The following TLE4 variants were observed in gnomAD, a reference collection of about 807,000 sequenced individuals.
The protein encoded by TLE4 is TLE family member 4, transcriptional corepressor.
TLE4 carries 8 observed loss-of-function variants against 92.8 expected under a neutral mutation model. That is an observed-to-expected ratio of 0.09 (90% confidence interval 0.05 to 0.16). The LOEUF (loss-of-function observed/expected upper bound fraction) is 0.16, where lower values mean the gene tolerates loss of function less well. Ranked by LOEUF, TLE4 falls within the 10% of genes least tolerant of loss-of-function variation. The probability of loss-of-function intolerance (pLI) is 1.00; values close to 1 mark genes in which losing one functional copy is unlikely to be tolerated. For synonymous variants in TLE4, 371 were observed against 374.1 expected (o/e 0.99, Z 0.10); for missense variants, 675 against 997.6 (o/e 0.68, Z 4.36).
chr9:79,649,271 TACACACACACACAC>T (rs61394180), intron 6 of TLE4, among the ~76,000 whole-genome samples: 1 of 147,266 alleles, frequency 6.8e-6, no homozygotes, highest in African/African-American at 2.5e-5. Context: ...CATACATACA[TACACACACACACAC>T]ACACACACAC....
intron 6 of TLE4, among the ~76,000 whole-genome samples, chr9:79,640,566 C>G (rs1215398197): frequency 6.6e-6 from 1 of 151,988 alleles, no homozygotes. Context: ...TACCTAGTTA[C>G]TTATGTTCCA....
rs754468656 is a variant in TLE4, at chr9:79,708,176, C to G, written c.995C>G (p.Ala332Gly). 39 of 1,614,080 alleles carry G rather than the reference C, an allele frequency of 2.4e-5. No individual in the cohort carries two copies. Among genetic ancestry groups the G allele is most frequent in the Non-Finnish European group, 3.2e-5 (38 of 1,179,964 alleles). ...KSNTPTPRTDAPTPGSNSTPG... is the reference protein window; with the variant it reads ...KSNTPTPRTDGPTPGSNSTPG... ...AATACCCCTACTCCACGAACTGATG[C>G]GCCCACCCCAGGCAGTAACTCTACT... is the stretch of plus-strand genomic sequence containing the variant. Residue 332 changes from alanine to glycine, a missense_variant, in exon 12 of 20, where the codon GCG (alanine) becomes GGG (glycine). Physicochemically the swap from Ala to Gly is moderately conservative, Grantham distance 60. Around this residue, in one of 5 missense-constraint regions of TLE4, gnomAD observed 280 missense variants for 287.3 expected, o/e 0.97. Coordinates refer to ENST00000376552, the MANE Select transcript of TLE4 (RefSeq NM_007005.6).
chr9:79,603,072 A>G (rs1171216421), intron 4 of TLE4, among the ~76,000 whole-genome samples: 1 of 152,168 alleles, frequency 6.6e-6, no homozygotes, highest in Non-Finnish European at 1.5e-5. Context: ...ATGGATGAGG[A>G]GTTGCTGCTT....
intron 18 of TLE4, 53 bp from the exon 19 acceptor site, chr9:79,722,906 G>T (rs1394172686): frequency 6.5e-7 from 1 of 1,532,018 alleles, no homozygotes; most frequent in Non-Finnish European, 9.0e-7. Context: ...GCAAATCTTG[G>T]TGTCTGACAG....
chr9:79,651,243 A>G (rs541054924), intron 6 of TLE4, among the ~76,000 whole-genome samples: 1 of 152,316 alleles, frequency 6.6e-6, no homozygotes, highest in African/African-American at 2.4e-5. Context: ...GTTGTCATAC[A>G]ATATTGCTAA....
At chr9:79,695,427 A>G (rs191676604) in intron 8 of TLE4, among the ~76,000 whole-genome samples, 3 of 152,290 alleles carry the variant, frequency 2.0e-5, no homozygotes, top group African/African-American at 7.2e-5. Context: ...ATGCAAAGAA[A>G]TAAGACACAA....
At chr9:79,603,521 T>G (rs934597903) in intron 4 of TLE4, among the ~76,000 whole-genome samples, 4 of 152,116 alleles carry the variant, frequency 2.6e-5, no homozygotes, top group African/African-American at 4.8e-5. Context: ...GTGTGTGTGT[T>G]TTTTTTAAGA....
chr9:79,709,545 A>C, intron 13 of TLE4, 78 bp from the exon 14 acceptor site: 2 of 1,274,046 alleles, frequency 1.6e-6, no homozygotes, highest in East Asian at 4.7e-5. Context: ...CCCAGGTTTT[A>C]GAATAGATTT....
At chr9:79,662,564 A>G (rs552928099) in intron 8 of TLE4, among the ~76,000 whole-genome samples, 11 of 152,334 alleles carry the variant, frequency 7.2e-5, no homozygotes, top group Admixed American at 1.3e-4. Flanking sequence ...AAGGAGGAAA[A>G]TAAAAATGTC....
At position 79,572,769 on chromosome 9, in the gene TLE4, G is replaced by T. The variant is rs1291495542; in HGVS notation, c.-22G>T. The T allele has an allele frequency of 1.9e-6, 3 of 1,596,684 alleles. No homozygotes were observed. Among genetic ancestry groups the T allele is most frequent in the Non-Finnish European group, 2.6e-6 (3 of 1,172,480 alleles). On this transcript the variant is annotated 5_prime_UTR_variant, in exon 1 of 20. Coordinates refer to ENST00000376552, the MANE Select transcript of TLE4 (RefSeq NM_007005.6). ...AATGAGCCGCGCGCCTCTGCCGAGC[G>T]CAGCCAACTAAATCGGCTTGGATGA...
In TLE4 at chr9:79,599,721, T is replaced by C. The variant is rs141720178; in HGVS notation, c.253-12935T>C. Among the ~76,000 whole-genome samples the C allele has an allele frequency of 5.0e-3, 764 of 152,348 alleles. 9 individuals carry two copies. Among genetic ancestry groups the C allele is most frequent in the African/African-American group, 0.017 (722 of 41,580 alleles). ...CTGATAAGAGACACTTTTATGTATA[T>C]AATACTTGTTAATAACATCTGCAAC... On this transcript the variant is annotated intron_variant, in intron 4 of 19. Transcript: ENST00000376552.
intron 8 of TLE4, among the ~76,000 whole-genome samples, chr9:79,688,409 G>T (rs1485155049): frequency 6.6e-6 from 1 of 151,950 alleles, no homozygotes; most frequent in African/African-American, 2.4e-5. Context: ...GCTTTATGTG[G>T]CGTTCTTGGG....
chr9:79,577,911 A>G (rs2038407592), intron 4 of TLE4, among the ~76,000 whole-genome samples: 1 of 152,270 alleles, frequency 6.6e-6, no homozygotes, highest in African/African-American at 2.4e-5. Context: ...ATACTGCTAT[A>G]ATTCTGTCAT....
At chr9:79,589,333 C>T (rs1564180872) in intron 4 of TLE4, among the ~76,000 whole-genome samples, 1 of 152,054 alleles carries the variant, frequency 6.6e-6, no homozygotes, top group Non-Finnish European at 1.5e-5. Flanking sequence ...TCCTCCCTTT[C>T]CCATGATGAT....
intron 8 of TLE4, among the ~76,000 whole-genome samples, chr9:79,680,633 G>T (rs943601039): frequency 6.6e-6 from 1 of 152,280 alleles, no homozygotes; most frequent in East Asian, 1.9e-4. Flanking sequence ...TCTCCTGCCT[G>T]ATTGCCATGG....
rs565613873 is a variant in TLE4, at chr9:79,661,244, C to G, written c.609+7169C>G. Among the ~76,000 whole-genome samples the G allele has an allele frequency of 3.0e-4, 46 of 152,250 alleles. 1 individual carries two copies. The highest frequency in any genetic ancestry group is 1.1e-3 in the African/African-American group (45 of 41,548). On this transcript the variant is annotated intron_variant, in intron 8 of 19. Coordinates refer to ENST00000376552, the MANE Select transcript of TLE4 (RefSeq NM_007005.6). ...TCACCATCTTTTTTTTGTATTCTTA[C>G]AGTAACACTAACCCCACTCTGGAAA...
intron 8 of TLE4, among the ~76,000 whole-genome samples, chr9:79,686,484 A>T (rs1374134003): frequency 6.6e-6 from 1 of 152,188 alleles, no homozygotes; most frequent in Non-Finnish European, 1.5e-5. Context: ...TCATCGAGTT[A>T]AGATGAGGTC....
At chr9:79,720,351 G>C in intron 16 of TLE4, 58 bp downstream of exon 16, 1 of 1,556,124 alleles carries the variant, frequency 6.4e-7, no homozygotes, top group Non-Finnish European at 8.7e-7. Context: ...ACCATATTTT[G>C]CCAAAGTGCT....
intron 8 of TLE4, among the ~76,000 whole-genome samples, chr9:79,667,831 A>G (rs911787646): frequency 1.3e-5 from 2 of 152,158 alleles, no homozygotes; most frequent in Non-Finnish European, 2.9e-5. Flanking sequence ...ATTAGTCATG[A>G]AGATTCGAGA....
Sources: allele counts gnomAD v4.1 joint callset (sites outside exome capture counted in the v4.1 genomes callset), GRCh38; gene constraint gnomAD v4.1.1; regional missense constraint gnomAD v4.1.1; transcripts MANE v1.5; gene names NCBI Gene and HGNC (gene_info 2026-07-23, HGNC 2026-07-21).